Variants in BRPF3 observed in about 807,000 individuals in gnomAD.
The protein encoded by BRPF3 is bromodomain and PHD finger-containing protein 3.
In BRPF3, 18 loss-of-function variants were observed where a neutral mutation model predicts 102.0. The ratio of observed to expected loss-of-function variants is 0.18; its 90% CI spans 0.12 to 0.26. The LOEUF (loss-of-function observed/expected upper bound fraction) is 0.26. BRPF3 is among the 10% of genes least tolerant of loss of function. The probability of loss-of-function intolerance (pLI) is 1.00; values close to 1 mark genes in which losing one functional copy is unlikely to be tolerated. For synonymous variants in BRPF3, 570 were observed against 614.2 expected (o/e 0.93, Z 1.06); for missense variants, 1,147 against 1,567.8 (o/e 0.73, Z 4.53).
rs770855524 is a variant in BRPF3, at chr6:36,214,052, A to G, written c.2655A>G (p.Lys885=). ...TGGAAGAAGATGAGCTCTTGGAAAA[A>G]TCACCACTGCAGCTAGGGAATGAGC... ...RKVEEDELLE[K]SPLQLGNEPL... The change falls in exon 8 of 13, where the codon AAA becomes AAG. Residue 885 remains lysine (K), a synonymous_variant. Coordinates refer to ENST00000357641, the MANE Select transcript of BRPF3 (RefSeq NM_015695.3). The G allele has an allele frequency of 1.9e-6, 3 of 1,614,158 alleles. No individual in the cohort carries two copies. The South Asian group carries it at 3.3e-5, about 18-fold the overall frequency.
At chr6:36,221,281 C>CTTTTTTTTTTTTT (rs35018880) in intron 9 of BRPF3, among the ~76,000 whole-genome samples, 1 of 76,706 alleles carries the variant, frequency 1.3e-5, no homozygotes, top group Non-Finnish European at 2.6e-5. Flanking sequence ...AATTGGTCTA[C>CTTTTTTTTTTTTT]TTTTTTTTTT....
At chr6:36,198,288 A>T (rs1767577122) in intron 1 of BRPF3, among the ~76,000 whole-genome samples, 1 of 152,198 alleles carries the variant, frequency 6.6e-6, no homozygotes, top group African/African-American at 2.4e-5. Flanking sequence ...ATACCTTATT[A>T]ACAAGTAGCA....
intron 8 of BRPF3, 101 bp from the exon 9 acceptor site, chr6:36,217,816 C>A: frequency 2.4e-6 from 2 of 847,060 alleles, no homozygotes; most frequent in South Asian, 3.4e-5. Context: ...GCCATCCTCT[C>A]CACTCGTCAC....
chr6:36,197,813 CTA>C (rs1561814769), intron 1 of BRPF3, among the ~76,000 whole-genome samples: 1 of 152,160 alleles, frequency 6.6e-6, no homozygotes, highest in East Asian at 1.9e-4. Context: ...CCTTCCCCCT[CTA>C]GAGTTTCTCC....
Position 36,201,895 on chromosome 6 carries a change from C to A in BRPF3, c.1448+125C>A. 4 of 1,380,236 alleles carry A rather than the reference C, an allele frequency of 2.9e-6. No homozygotes were observed. The East Asian group carries it at 9.8e-5, about 34-fold the overall frequency. The allele number at this position is 1,380,236 out of a possible 1,614,324, so 85.5% of individuals were successfully genotyped here. A position where few individuals can be genotyped will look rare whatever the true frequency, so the allele number is the denominator to read the frequency against. ...TCCTCCTCCCCGAATTTAAACTCTTCCTTTTGACCCCAGGCTCACCTGGCC... is the reference window on the plus strand; with the variant it reads ...TCCTCCTCCCCGAATTTAAACTCTTACTTTTGACCCCAGGCTCACCTGGCC... On this transcript the variant is annotated intron_variant, in intron 2 of 12. Coordinates refer to ENST00000357641, the MANE Select transcript of BRPF3 (RefSeq NM_015695.3). This position sits in a 1 kb window ranked among gnomAD's most constrained non-coding sequence, Gnocchi z 5.1.
Position 36,201,075 on chromosome 6 carries a change from G to C in BRPF3, c.753G>C (p.Glu251Asp). 1 of 1,614,098 alleles carries C rather than the reference G, an allele frequency of 6.2e-7. No homozygotes were observed. Among genetic ancestry groups the C allele is most frequent in the Non-Finnish European group, 8.5e-7 (1 of 1,180,026 alleles). Residue 251 changes from glutamate (E) to aspartate (D), a missense_variant, in exon 2 of 13, where the codon GAG (glutamate) becomes GAC (aspartate). Physicochemically the swap from Glu to Asp is conservative, Grantham distance 45. This residue lies in a region of BRPF3 where 221 missense variants were observed against 337.1 expected (regional missense o/e 0.66). Coordinates refer to ENST00000357641, the MANE Select transcript of BRPF3 (RefSeq NM_015695.3). This position sits in a 1 kb window ranked among gnomAD's most constrained non-coding sequence, Gnocchi z 5.1. ...QECYGVPYIP[E>D]GQWLCRCCLQ... ...GCTATGGCGTCCCATACATCCCTGA[G>C]GGCCAGTGGCTATGCCGCTGCTGCC...
Position 36,201,791 on chromosome 6 carries a change from T to C in BRPF3, c.1448+21T>C. The C allele has an allele frequency of 6.4e-7, 1 of 1,567,470 alleles. No individual in the cohort carries two copies. Among genetic ancestry groups the C allele is most frequent in the Non-Finnish European group, 8.6e-7 (1 of 1,157,966 alleles). On this transcript the variant is annotated intron_variant, in intron 2 of 12. Coordinates refer to ENST00000357641, the MANE Select transcript of BRPF3 (RefSeq NM_015695.3). The surrounding 1 kb of genome is among the most constrained non-coding windows in gnomAD (Gnocchi z 5.1). ...TACAGGTAAGCATGCCCAGAAGGGC[T>C]CCTTAGGGACTCATGGTTTCTTCTT...
intron 8 of BRPF3, among the ~76,000 whole-genome samples, chr6:36,217,008 C>T (rs1041297334): frequency 2.0e-5 from 3 of 151,968 alleles, no homozygotes; most frequent in Admixed American, 6.6e-5. Context: ...CACTGCACTC[C>T]GCCTGGGCAA....
chr6:36,223,629 C>T (rs537708219), intron 10 of BRPF3, among the ~76,000 whole-genome samples: 10 of 152,118 alleles, frequency 6.6e-5, no homozygotes, highest in Admixed American at 2.6e-4. Flanking sequence ...TTTGTACTTT[C>T]TTCATGTTGA....
intron 10 of BRPF3, among the ~76,000 whole-genome samples, chr6:36,223,804 T>C (rs1768636744): frequency 6.6e-6 from 1 of 152,232 alleles, no homozygotes; most frequent in South Asian, 2.1e-4. Flanking sequence ...TATTCATCTT[T>C]AAAGTTATTT....
In BRPF3 at chr6:36,231,559, C is replaced by G. The variant is rs1281119347; in HGVS notation, c.*950C>G. The stretch of plus-strand genomic sequence containing the variant: ...CGTCAGCTGGGTCTGCCCTCTTCCC[C>G]CTTTTCTCCTTCTTCTCTCCTCATG... On this transcript the variant is annotated 3_prime_UTR_variant, in exon 13 of 13. Transcript: ENST00000357641. The G allele has an allele frequency of 1.3e-5, 2 of 152,450 alleles. No homozygotes were observed. Among genetic ancestry groups the G allele is most frequent in the African/African-American group, 2.4e-5 (1 of 41,472 alleles). 9.4% of individuals were successfully genotyped at this position (152,450 alleles called of 1,614,324 possible).
rs115704320 is a variant in BRPF3, at chr6:36,214,984, G to C, written c.2989+598G>C. On this transcript the variant is annotated intron_variant, in intron 8 of 12. Transcript: ENST00000357641. ...ATAGACTAGAAAGTACATAGGTCCT[G>C]GAGGTGGGAACATGCCTGCATGTCT... Among the ~76,000 whole-genome samples the C allele has an allele frequency of 8.0e-3, 1,222 of 152,196 alleles. 15 individuals are homozygous for C. Among genetic ancestry groups the C allele is most frequent in the African/African-American group, 0.027 (1,119 of 41,524 alleles).
chr6:36,205,789 T>C (rs187277172), intron 3 of BRPF3, among the ~76,000 whole-genome samples: 47 of 152,388 alleles, frequency 3.1e-4, no homozygotes, highest in Non-Finnish European at 7.3e-5. Flanking sequence ...AATCTCATAA[T>C]TGACAATAAC....
intron 1 of BRPF3, chr6:36,197,742 A>T (rs1482154516): frequency 6.6e-6 from 1 of 151,286 alleles, no homozygotes; most frequent in African/African-American, 2.4e-5. Context: ...CCGCCAAAAA[A>T]CTCGTCTAGA....
intron 9 of BRPF3, among the ~76,000 whole-genome samples, chr6:36,221,406 C>G (rs1253253290): frequency 6.6e-6 from 1 of 151,598 alleles, no homozygotes; most frequent in Admixed American, 6.6e-5. Flanking sequence ...CCTGCCTCAG[C>G]CTCCTGAGTA....
chr6:36,212,419 A>G (rs934028307), intron 7 of BRPF3, among the ~76,000 whole-genome samples: 2 of 152,150 alleles, frequency 1.3e-5, no homozygotes, highest in African/African-American at 4.8e-5. Flanking sequence ...GAATGGAGAC[A>G]TAGTTGAGAG....
rs1203323592 is a variant in BRPF3, at chr6:36,218,009, A to G, written c.3082A>G (p.Ser1028Gly). ...LSGGLAFEACSGLTPPKRSRG... is the reference protein window; with the variant it reads ...LSGGLAFEACGGLTPPKRSRG... ...TGGTGGACTGGCATTTGAAGCTTGCAGGTAAGAACACATTCCCAAAGCTTT... is the reference window on the plus strand; with the variant it reads ...TGGTGGACTGGCATTTGAAGCTTGCGGGTAAGAACACATTCCCAAAGCTTT... Residue 1028 changes from serine to glycine, a missense_variant and splice_region_variant, in exon 9 of 13, where the codon AGT (serine) becomes GGT (glycine). Ser to Gly is a moderately conservative substitution (Grantham distance 56, BLOSUM62 0). Transcript: ENST00000357641. The G allele has an allele frequency of 2.5e-6, 4 of 1,611,796 alleles. No individual in the cohort carries two copies.
rs756154815 is a variant in BRPF3, at chr6:36,209,722, GA to G, written c.1738-60del. On this transcript the variant is annotated intron_variant, in intron 4 of 12. Coordinates refer to ENST00000357641, the MANE Select transcript of BRPF3 (RefSeq NM_015695.3). Reference sequence around the variant, plus strand: ...AGATTGGTAAAAGTCAAACTATCAAGAAAAAGTTTCAGTACATCTTTGCAGG... The same window carrying G: ...AGATTGGTAAAAGTCAAACTATCAAGAAAAGTTTCAGTACATCTTTGCAGG... 467 of 1,555,370 alleles carry G rather than the reference GA, an allele frequency of 3.0e-4. 1 individual carries two copies. Among genetic ancestry groups the G allele is most frequent in the Admixed American group, 6.8e-4 (34 of 49,710 alleles).
rs1040616459 is a variant in BRPF3, at chr6:36,204,341, A to G, written c.1449-317A>G. 1.2e-4 allele frequency: 44 copies of G among 353,368 alleles called. No individual in the cohort carries two copies. In the Admixed American group the frequency reaches 1.5e-3, roughly 12 times the overall value. 21.9% of individuals were successfully genotyped at this position (353,368 alleles called of 1,614,324 possible). A position where few individuals can be genotyped will look rare whatever the true frequency, so the allele number is the denominator to read the frequency against. ...AAGAGGAGGCTGGGGGTATTGAGGC[A>G]TAGGCTTGTTTTTCAGTCCGTACGT... On this transcript the variant is annotated intron_variant, in intron 2 of 12. Transcript: ENST00000357641.
Sources: gnomAD v4.1 joint callset for allele counts (sites outside exome capture counted in the v4.1 genomes callset) on GRCh38, gnomAD v4.1.1 for gene constraint, gnomAD v4.1.1 regional missense constraint, Gnocchi (gnomAD v3.1) non-coding constraint, MANE v1.5 for transcripts, NCBI Gene and HGNC (gene_info 2026-07-23, HGNC 2026-07-21) for gene names.